Variants in AGBL4 observed in about 807,000 individuals in gnomAD.
The protein encoded by AGBL4 is cytosolic carboxypeptidase 6.
A neutral mutation model predicts 66.4 loss-of-function variants in AGBL4; 58 were observed. The observed-to-expected ratio is 0.87, with a 90% CI of 0.71 to 1.09. The LOEUF is 1.09. AGBL4 is among the 50% of genes least tolerant of loss of function. The pLI, the probability that AGBL4 is intolerant of heterozygous loss-of-function variation, is 0.00. For missense variants in AGBL4, 579 were observed against 631.0 expected (o/e 0.92, Z 0.88); for synonymous variants, 234 against 222.9 (o/e 1.05, Z -0.44).
intron 3 of AGBL4, among the ~76,000 whole-genome samples, chr1:49,465,322 A>G (rs1336680962): frequency 8.0e-5 from 12 of 150,838 alleles, no homozygotes; most frequent in Admixed American, 7.9e-4. Flanking sequence ...CTGGATTCCT[A>G]TACTTTCTAT....
intron 3 of AGBL4, among the ~76,000 whole-genome samples, chr1:49,275,203 T>A (rs888188374): frequency 6.6e-6 from 1 of 152,178 alleles, no homozygotes; most frequent in South Asian, 2.1e-4. Flanking sequence ...ACAGAGCTAA[T>A]AAAAAGCTCT....
At chr1:48,881,722 C>T (rs1484591631) in intron 5 of AGBL4, among the ~76,000 whole-genome samples, 5 of 152,158 alleles carry the variant, frequency 3.3e-5, no homozygotes, top group African/African-American at 7.2e-5. Flanking sequence ...TCTCACAAGG[C>T]ATGACAAGCT....
Position 49,209,376 on chromosome 1 carries a change from C to T in AGBL4, c.377+36394G>A, listed in dbSNP as rs569953934. ...TTGTCACTCTCTGCTGGACCTCTGT[C>T]AACATCAAATTTACTATGAAGGACC... On this transcript the variant is annotated intron_variant, in intron 4 of 13. Transcript: ENST00000371839. Among the ~76,000 whole-genome samples the T allele has an allele frequency of 1.2e-4, 18 of 152,176 alleles. 1 individual carries two copies. The South Asian group carries it at 3.7e-3, about 32-fold the overall frequency.
intron 6 of AGBL4, among the ~76,000 whole-genome samples, chr1:48,769,556 C>CACAT (rs1644704305): frequency 6.8e-6 from 1 of 147,146 alleles, no homozygotes; most frequent in Admixed American, 6.9e-5. Context: ...CACACACACA[C>CACAT]ACACACACAC....
chr1:48,670,114 C>T (rs12239003), intron 6 of AGBL4, among the ~76,000 whole-genome samples: 3,348 of 152,274 alleles, frequency 0.022, 114 homozygotes, highest in African/African-American at 0.075. Context: ...GAATATCAGG[C>T]GCTGGGGACA....
chr1:49,411,623 A>G (rs867870045), intron 3 of AGBL4, among the ~76,000 whole-genome samples: 5 of 152,356 alleles, frequency 3.3e-5, no homozygotes, highest in Middle Eastern at 3.4e-3. Flanking sequence ...TTCTATAAGA[A>G]ATATATGGAA....
intron 3 of AGBL4, among the ~76,000 whole-genome samples, chr1:49,506,737 A>G (rs1334293266): frequency 6.6e-6 from 1 of 152,076 alleles, no homozygotes; most frequent in Non-Finnish European, 1.5e-5. Context: ...AAAAGAATGG[A>G]ATATGGTGGG....
At chr1:49,643,848 G>A (rs954448964) in intron 3 of AGBL4, among the ~76,000 whole-genome samples, 1 of 151,608 alleles carries the variant, frequency 6.6e-6, no homozygotes, top group Non-Finnish European at 1.5e-5. Flanking sequence ...CAGGAAGAAA[G>A]AAAACTGTAA....
intron 4 of AGBL4, among the ~76,000 whole-genome samples, chr1:49,202,773 A>T (rs1647812509): frequency 6.6e-6 from 1 of 152,038 alleles, no homozygotes; most frequent in Non-Finnish European, 1.5e-5. Flanking sequence ...AACATCAAAG[A>T]TTAAAACTAT....
chr1:49,833,108 A>T (rs1238379337), intron 2 of AGBL4, among the ~76,000 whole-genome samples: 1 of 152,098 alleles, frequency 6.6e-6, no homozygotes, highest in African/African-American at 2.4e-5. Flanking sequence ...GTTTTCTTCT[A>T]GGGTTTTTAT....
chr1:48,975,622 C>A (rs1659266601), intron 5 of AGBL4, among the ~76,000 whole-genome samples: 1 of 152,068 alleles, frequency 6.6e-6, no homozygotes, highest in African/African-American at 2.4e-5. Flanking sequence ...TAATCTGACT[C>A]CCAGGAAGCC....
intron 3 of AGBL4, among the ~76,000 whole-genome samples, chr1:49,651,859 A>G (rs1198247166): frequency 6.6e-6 from 1 of 152,154 alleles, no homozygotes; most frequent in Non-Finnish European, 1.5e-5. Context: ...ATGGATCCTG[A>G]CCAAAATTAA....
chr1:49,889,649 C>G (rs1370222803), intron 1 of AGBL4, among the ~76,000 whole-genome samples: 1 of 151,950 alleles, frequency 6.6e-6, no homozygotes, highest in Admixed American at 6.6e-5. Context: ...CCCAGCTACT[C>G]AGGAGGCTGA....
chr1:49,658,592 A>G (rs1474042042), intron 3 of AGBL4, among the ~76,000 whole-genome samples: 1 of 152,206 alleles, frequency 6.6e-6, no homozygotes, highest in African/African-American at 2.4e-5. Context: ...ACAATAGCAA[A>G]GACTTGGAAC....
At chr1:49,170,480 T>TTATATATTTATATTCA (rs1408263688) in intron 4 of AGBL4, among the ~76,000 whole-genome samples, 1 of 143,682 alleles carries the variant, frequency 7.0e-6, no homozygotes, top group African/African-American at 2.5e-5. Flanking sequence ...TTATATAAAT[T>TTATATATTTATATTCA]TATATATTTA....
At chr1:49,928,471 G>A (rs186418578) in intron 1 of AGBL4, among the ~76,000 whole-genome samples, 21 of 152,020 alleles carry the variant, frequency 1.4e-4, no homozygotes, top group Admixed American at 4.6e-4. Context: ...GGATGATCTC[G>A]ATCTCTTGAC....
chr1:48,688,273 G>A (rs1277115828), intron 6 of AGBL4, among the ~76,000 whole-genome samples: 1 of 152,138 alleles, frequency 6.6e-6, no homozygotes, highest in Non-Finnish European at 1.5e-5. Flanking sequence ...ACTCCACTCA[G>A]TCTGGGCTGG....
intron 3 of AGBL4, among the ~76,000 whole-genome samples, chr1:49,470,442 G>T (rs1646719113): frequency 6.6e-6 from 1 of 151,922 alleles, no homozygotes; most frequent in African/African-American, 2.4e-5. Context: ...CAATAAGATA[G>T]ATACCAAAAC....
intron 3 of AGBL4, among the ~76,000 whole-genome samples, chr1:49,256,893 C>A (rs1278569453): frequency 6.6e-6 from 1 of 152,060 alleles, no homozygotes; most frequent in African/African-American, 2.4e-5. Context: ...AATGAATGGT[C>A]CTGGATCAAT....
Sources: gnomAD v4.1 joint callset for allele counts (sites outside exome capture counted in the v4.1 genomes callset) on GRCh38, gnomAD v4.1.1 for gene constraint, MANE v1.5 for transcripts, NCBI Gene and HGNC (gene_info 2026-07-23, HGNC 2026-07-21) for gene names.